The following PLCG2 variants were observed in gnomAD, a reference collection of about 807,000 sequenced individuals.
The protein encoded by PLCG2 is phospholipase C gamma 2.
Under a neutral mutation model 175.6 loss-of-function variants are expected in PLCG2, and 69 were observed. That is an observed-to-expected ratio of 0.39 (90% CI 0.32 to 0.48). The LOEUF is 0.48. Among genes scored for constraint, PLCG2 ranks in the 20% least tolerant of loss-of-function variants. PLCG2 has a pLI of 0.91. For synonymous variants in PLCG2, 827 were observed against 624.0 expected (o/e 1.33, Z -4.85); for missense variants, 1,798 against 1,650.9 (o/e 1.09, Z -1.54).
At chr16:81,887,457 G>A (rs936643650) in intron 9 of PLCG2, among the ~76,000 whole-genome samples, 1 of 152,150 alleles carries the variant, frequency 6.6e-6, no homozygotes, top group African/African-American at 2.4e-5. Flanking sequence ...TGGGTTTCAT[G>A]TTCTAGTATT....
chr16:81,877,007 G>A (rs1907824086), intron 7 of PLCG2, among the ~76,000 whole-genome samples: 1 of 152,158 alleles, frequency 6.6e-6, no homozygotes, highest in African/African-American at 2.4e-5. Flanking sequence ...TTGCCTCCCT[G>A]GGCCTGTTTC....
At chr16:81,845,820 C>A (rs567169334) in intron 2 of PLCG2, among the ~76,000 whole-genome samples, 1 of 152,184 alleles carries the variant, frequency 6.6e-6, no homozygotes, top group Non-Finnish European at 1.5e-5. Flanking sequence ...TGCTGAATAC[C>A]AGATAGAAAA....
intron 2 of PLCG2, among the ~76,000 whole-genome samples, chr16:81,829,426 C>G (rs72832048): frequency 0.076 from 11,612 of 152,214 alleles, 917 homozygotes; most frequent in African/African-American, 0.2. Flanking sequence ...CCATGTTGAC[C>G]AGGCTAGTCT....
At chr16:81,748,430 G>A (rs771383843) in intron 1 of PLCG2, among the ~76,000 whole-genome samples, 3 of 151,876 alleles carry the variant, frequency 2.0e-5, no homozygotes, top group Admixed American at 6.6e-5. Flanking sequence ...AAAAAGAAAG[G>A]TGCAGAGCAG....
chr16:81,751,315 C>T (rs1025209168), intron 1 of PLCG2, among the ~76,000 whole-genome samples: 2 of 152,098 alleles, frequency 1.3e-5, no homozygotes, highest in Non-Finnish European at 2.9e-5. Context: ...GAAATTCTGT[C>T]ATTTGCGACA....
intron 22 of PLCG2, among the ~76,000 whole-genome samples, chr16:81,924,780 C>G (rs1216782344): frequency 2.0e-5 from 3 of 152,258 alleles, no homozygotes; most frequent in Admixed American, 1.3e-4. Flanking sequence ...CCTGTTTGGC[C>G]TCCTTGCTGA....
chr16:81,778,782 C>A (rs929437444), upstream of PLCG2, among the ~76,000 whole-genome samples: 9 of 151,910 alleles, frequency 5.9e-5, no homozygotes, highest in Admixed American at 5.2e-4. Flanking sequence ...CAATTCCTGG[C>A]GGGTAATTGT....
chr16:81,921,432 C>G (rs182585583), intron 21 of PLCG2, 163 bp downstream of exon 21: 1 of 675,710 alleles, frequency 1.5e-6, no homozygotes. Context: ...TTGATAATAT[C>G]AAGCCTAGTT....
At chr16:81,865,486 C>G (rs967188522) in intron 5 of PLCG2, among the ~76,000 whole-genome samples, 6 of 152,162 alleles carry the variant, frequency 3.9e-5, no homozygotes. Context: ...GGCCTTTGGA[C>G]CAGGTGGGCT....
intron 8 of PLCG2, among the ~76,000 whole-genome samples, chr16:81,883,067 G>A (rs529192486): frequency 1.3e-5 from 2 of 152,268 alleles, no homozygotes; most frequent in East Asian, 3.9e-4. Flanking sequence ...AGATTCCGAT[G>A]TCAGGGTCCC....
chr16:81,878,908 C>T lies in PLCG2; in HGVS notation c.649-2002C>T, dbSNP rs115533522. On this transcript the variant is annotated intron_variant, in intron 7 of 32. Coordinates refer to ENST00000564138, the MANE Select transcript of PLCG2 (RefSeq NM_002661.5). ...TCTGCGTCCCAGGGGCCAATTCCTG[C>T]AAACACGTTCCCAGGTGCCTGTGCC... Among the ~76,000 whole-genome samples, 814 of 152,178 alleles carry T rather than the reference C, an allele frequency of 5.3e-3. 8 individuals carry two copies. Among genetic ancestry groups the T allele is most frequent in the African/African-American group, 0.019 (787 of 41,516 alleles).
chr16:81,844,714 G>C (rs534010556), intron 2 of PLCG2, among the ~76,000 whole-genome samples: 1 of 152,342 alleles, frequency 6.6e-6, no homozygotes, highest in African/African-American at 2.4e-5. Context: ...TAAAAAAAGA[G>C]TTAATAAGTT....
intron 10 of PLCG2, 38 bp downstream of exon 10, chr16:81,889,311 T>G (rs1223901491): frequency 1.0e-5 from 11 of 1,087,598 alleles, no homozygotes; most frequent in Admixed American, 2.0e-5. Flanking sequence ...GGGGGTGACT[T>G]TTTGATTGAT....
chr16:81,940,106 C>T (rs200343785), intron 30 of PLCG2, 47 bp downstream of exon 30: 1 of 1,511,072 alleles, frequency 6.6e-7, no homozygotes, highest in Admixed American at 1.8e-5. Flanking sequence ...TGGCGTTGTA[C>T]TTTGGTTTGG....
intron 5 of PLCG2, among the ~76,000 whole-genome samples, chr16:81,866,286 C>T (rs528917013): frequency 4.3e-5 from 6 of 138,214 alleles, no homozygotes; most frequent in Non-Finnish European, 7.8e-5. Flanking sequence ...AGGATGCTAG[C>T]CTCTCCCTTT....
chr16:81,895,559 TA>T (rs775242910), intron 12 of PLCG2: 74,050 of 350,474 alleles, frequency 0.21, 1,413 homozygotes, highest in South Asian at 0.24. Context: ...GACTCTGTCT[TA>T]AAAAAAAAAA....
At chr16:81,775,573 T>C (rs1423012795), upstream of PLCG2, among the ~76,000 whole-genome samples, 2 of 152,036 alleles carry the variant, frequency 1.3e-5, no homozygotes, top group African/African-American at 4.8e-5. Context: ...CTGATACCCA[T>C]AGGTATAATA....
chr16:81,952,932 C>G (rs11646832), intron 31 of PLCG2, among the ~76,000 whole-genome samples: 135,861 of 152,262 alleles, frequency 0.89, 60,683 homozygotes, highest in East Asian at 0.95. Context: ...GACCCTGCAG[C>G]TACCATCTTA....
intron 2 of PLCG2, among the ~76,000 whole-genome samples, chr16:81,848,756 T>C (rs1156280681): frequency 1.3e-5 from 2 of 152,042 alleles, no homozygotes; most frequent in Non-Finnish European, 2.9e-5. Context: ...AGCTCAGTGG[T>C]GAAGAAGGGT....
Sources: allele counts gnomAD v4.1 joint callset (sites outside exome capture counted in the v4.1 genomes callset), GRCh38; gene constraint gnomAD v4.1.1; transcripts MANE v1.5; gene names NCBI Gene and HGNC (gene_info 2026-07-23, HGNC 2026-07-21).